The following CTH variants were observed in gnomAD, a reference collection of about 807,000 sequenced individuals.
CTH encodes cystathionine gamma-lyase, also known as cystathionase (cystathionine gamma-lyase).
In CTH, 41 loss-of-function variants were observed where a neutral mutation model predicts 50.6. The ratio of observed to expected loss-of-function variants is 0.81; its 90% confidence interval spans 0.63 to 1.05. The LOEUF is 1.05. Among genes scored for constraint, CTH ranks in the 50% least tolerant of loss-of-function variants. CTH has a pLI of 0.00. For missense variants in CTH, 470 were observed against 492.6 expected (o/e 0.95, Z 0.43); for synonymous variants, 156 against 168.9 (o/e 0.92, Z 0.59).
intron 7 of CTH, 73 bp from the exon 8 acceptor site, chr1:70,432,010 G>A (rs1361349907): frequency 2.0e-6 from 3 of 1,530,676 alleles, no homozygotes; most frequent in South Asian, 1.1e-5. Context: ...TCACTGTAAT[G>A]GAAAAGAGAA....
At chr1:70,421,817 C>CTG in intron 4 of CTH, 142 bp downstream of exon 4, 1 of 823,044 alleles carries the variant, frequency 1.2e-6, no homozygotes, top group South Asian at 1.5e-5. Context: ...TTAAGATAGA[C>CTG]TGTCATCTCC....
intron 1 of CTH, among the ~76,000 whole-genome samples, chr1:70,415,496 C>T (rs1684070984): frequency 6.6e-6 from 1 of 152,168 alleles, no homozygotes; most frequent in East Asian, 1.9e-4. Flanking sequence ...CATGCAAGTC[C>T]CTTTTCCTAA....
At chr1:70,422,545 T>C (rs1234033196) in intron 4 of CTH, among the ~76,000 whole-genome samples, 1 of 152,120 alleles carries the variant, frequency 6.6e-6, no homozygotes. Flanking sequence ...AAGGTTTGTT[T>C]CCAGAAGAAC....
intron 5 of CTH, among the ~76,000 whole-genome samples, chr1:70,429,180 A>G (rs1173955441): frequency 3.3e-5 from 5 of 152,208 alleles, no homozygotes; most frequent in South Asian, 4.1e-4. Flanking sequence ...ACAAGAAAAA[A>G]GTCTGTACAT....
At chr1:70,438,848 G>GTGTGTC in intron 11 of CTH, 22 bp downstream of exon 11, 1 of 1,605,126 alleles carries the variant, frequency 6.2e-7, no homozygotes, top group African/African-American at 1.3e-5. Context: ...TATTGTGTGT[G>GTGTGTC]TGTGTGTGTG....
chr1:70,413,888 C>T (rs1018567702), intron 1 of CTH, among the ~76,000 whole-genome samples: 1 of 151,198 alleles, frequency 6.6e-6, no homozygotes, highest in Admixed American at 6.6e-5. Context: ...ATTACAGCTG[C>T]CCGCCACCAT....
rs768929657 is a variant in CTH, at chr1:70,411,488, G to GA, written c.73_74insA (p.Val25AspfsTer35). On this transcript the variant is annotated frameshift_variant, in exon 1 of 12. Coordinates refer to ENST00000370938, the MANE Select transcript of CTH (RefSeq NM_001902.6). LOFTEE classifies it high-confidence loss of function. The stretch of plus-strand genomic sequence containing the variant: ...ACATTTCGCCACGCAGGCGATCCAT[G>GA]TGGGCCAGGATCCAGAGCAATGGAC... 3.8e-5 allele frequency: 61 copies of GA among 1,614,180 alleles called. No homozygotes were observed. The highest frequency in any genetic ancestry group is 5.0e-5 in the Non-Finnish European group (59 of 1,180,048).
chr1:70,436,380 C>A (rs544499922), intron 10 of CTH, among the ~76,000 whole-genome samples: 1 of 152,132 alleles, frequency 6.6e-6, no homozygotes, highest in South Asian at 2.1e-4. Context: ...TTATTGATTA[C>A]CTGTCCCCCC....
At position 70,417,915 on chromosome 1, in the gene CTH, T is replaced by C. The variant is rs1411680097; in HGVS notation, c.251-22T>C. ...CTATAGGCCTGACTTTTCAGCTTAC[T>C]CTAACTTGATTTTTATTTTAGGTTT... On this transcript the variant is annotated intron_variant, in intron 2 of 11. Transcript: ENST00000370938. 8.1e-6 allele frequency: 13 copies of C among 1,613,708 alleles called. No individual in the cohort carries two copies. The African/African-American group carries it at 1.6e-4, about 20-fold the overall frequency.
chr1:70,432,682 C>CT (rs10607278), intron 8 of CTH, among the ~76,000 whole-genome samples: 132 of 89,804 alleles, frequency 1.5e-3, no homozygotes, highest in Middle Eastern at 6.3e-3. Flanking sequence ...CTCTCTCTCT[C>CT]TTTTTTTTTT....
chr1:70,437,510 G>A (rs1019991230), intron 10 of CTH, among the ~76,000 whole-genome samples: 3 of 152,266 alleles, frequency 2.0e-5, no homozygotes, highest in Middle Eastern at 3.4e-3. Flanking sequence ...TAAGGAAATA[G>A]GCACTGAGGA....
intron 1 of CTH, among the ~76,000 whole-genome samples, chr1:70,414,506 A>T (rs1021414493): frequency 1.1e-4 from 17 of 152,172 alleles, no homozygotes; most frequent in African/African-American, 3.6e-4. Flanking sequence ...AAAAAAAAAA[A>T]GTCTGCTCAA....
intron 4 of CTH, among the ~76,000 whole-genome samples, chr1:70,423,184 A>G (rs780576962): frequency 3.9e-5 from 6 of 152,120 alleles, no homozygotes; most frequent in Non-Finnish European, 5.9e-5. Flanking sequence ...TTTGTAGAAT[A>G]TGTATTATTT....
chr1:70,421,531 T>G, intron 3 of CTH, 35 bp from the exon 4 acceptor site: 2 of 1,597,670 alleles, frequency 1.3e-6, no homozygotes, highest in South Asian at 1.1e-5. Flanking sequence ...TAATGCAATG[T>G]TCTTTTCATT....
chr1:70,428,626 T>C (rs1355580916), intron 5 of CTH, among the ~76,000 whole-genome samples: 1 of 136,756 alleles, frequency 7.3e-6, no homozygotes, highest in Non-Finnish European at 1.6e-5. Context: ...ATTTATTTAT[T>C]TGAGACAGAA....
At chr1:70,425,869 C>A (rs1440448101) in intron 5 of CTH, among the ~76,000 whole-genome samples, 1 of 152,176 alleles carries the variant, frequency 6.6e-6, no homozygotes, top group African/African-American at 2.4e-5. Context: ...CAGGCCCCAC[C>A]TCCAACATTT....
At chr1:70,426,200 C>T (rs185697956) in intron 5 of CTH, among the ~76,000 whole-genome samples, 70 of 152,242 alleles carry the variant, frequency 4.6e-4, no homozygotes, top group Admixed American at 3.1e-3. Context: ...TTTGGGATCT[C>T]TTTATAATTA....
intron 2 of CTH, among the ~76,000 whole-genome samples, chr1:70,416,842 G>C (rs957172036): frequency 2.0e-5 from 3 of 151,994 alleles, no homozygotes; most frequent in African/African-American, 7.3e-5. Context: ...GATTACAGGA[G>C]TGGGCCACCA....
At chr1:70,418,393 G>A (rs1684140980) in intron 3 of CTH, among the ~76,000 whole-genome samples, 1 of 152,114 alleles carries the variant, frequency 6.6e-6, no homozygotes, top group Admixed American at 6.5e-5. Flanking sequence ...GGGACCCCAG[G>A]CGCATGCCAC....
Sources: gnomAD v4.1 joint callset for allele counts (sites outside exome capture counted in the v4.1 genomes callset) on GRCh38, gnomAD v4.1.1 for gene constraint, MANE v1.5 for transcripts, NCBI Gene and HGNC (gene_info 2026-07-23, HGNC 2026-07-21) for gene names.